Variants in PLCB4 observed in about 807,000 individuals in gnomAD.
The protein encoded by PLCB4 is 1-phosphatidylinositol 4,5-bisphosphate phosphodiesterase beta-4.
A neutral mutation model predicts 178.8 loss-of-function variants in PLCB4; 77 were observed. That is an observed-to-expected ratio of 0.43 (90% CI 0.36 to 0.52). PLCB4 has a LOEUF of 0.52. Among genes scored for constraint, PLCB4 ranks in the 20% least tolerant of loss-of-function variants. PLCB4 has a pLI of 0.00. For synonymous variants in PLCB4, 496 were observed against 490.8 expected, an observed-to-expected ratio of 1.01 and a Z score of -0.14; for missense variants, 1,024 against 1,453.4, an observed-to-expected ratio of 0.70 and a Z score of 4.80.
intron 4 of PLCB4, among the ~76,000 whole-genome samples, chr20:9,308,727 T>G (rs1173856925): frequency 6.6e-6 from 1 of 152,214 alleles, no homozygotes; most frequent in Non-Finnish European, 1.5e-5. Context: ...CTGACATAGC[T>G]TAATACTTGT....
chr20:9,151,380 C>A (rs1220671436), intron 2 of PLCB4, among the ~76,000 whole-genome samples: 1 of 152,046 alleles, frequency 6.6e-6, no homozygotes, highest in Non-Finnish European at 1.5e-5. Flanking sequence ...TGTCCCCATC[C>A]AAATCTCAAC....
intron 37 of PLCB4, 77 bp from the exon 38 acceptor site, chr20:9,473,202 A>G (rs952068121): frequency 2.4e-6 from 2 of 834,692 alleles, no homozygotes; most frequent in East Asian, 2.6e-5. Context: ...TTATAAAGTT[A>G]CAAGTCATCT....
intron 1 of PLCB4, among the ~76,000 whole-genome samples, chr20:9,092,999 T>C (rs534123503): frequency 6.6e-6 from 1 of 152,310 alleles, no homozygotes; most frequent in South Asian, 2.1e-4. Flanking sequence ...ATAGCCACCA[T>C]ACCTGGGAAT....
At chr20:9,129,700 A>G (rs1018691866) in intron 2 of PLCB4, among the ~76,000 whole-genome samples, 1 of 152,150 alleles carries the variant, frequency 6.6e-6, no homozygotes, top group African/African-American at 2.4e-5. Context: ...CATTCAAGTG[A>G]TGTTCCGAAT....
At chr20:9,096,924 A>C (rs1163064762) in intron 2 of PLCB4, among the ~76,000 whole-genome samples, 1 of 151,680 alleles carries the variant, frequency 6.6e-6, no homozygotes, top group African/African-American at 2.4e-5. Context: ...CTTAGGAGCC[A>C]CTTTGGCTTT....
At chr20:9,418,333 G>A (rs2040394488) in intron 25 of PLCB4, among the ~76,000 whole-genome samples, 1 of 152,068 alleles carries the variant, frequency 6.6e-6, no homozygotes, top group Non-Finnish European at 1.5e-5. Context: ...TTTGTATATG[G>A]TATAAGGTAA....
chr20:9,404,433 A>G (rs1179380307), intron 20 of PLCB4, among the ~76,000 whole-genome samples: 2 of 152,088 alleles, frequency 1.3e-5, no homozygotes, highest in Admixed American at 6.6e-5. Context: ...TTAAGACTCA[A>G]GAGTATTGTT....
chr20:9,312,066 C>T (rs1231639070), intron 4 of PLCB4, among the ~76,000 whole-genome samples: 1 of 152,078 alleles, frequency 6.6e-6, no homozygotes, highest in Non-Finnish European at 1.5e-5. Flanking sequence ...TTCCATTCTC[C>T]CTTCTTGACA....
At chr20:9,241,681 G>T (rs2094064319) in intron 3 of PLCB4, among the ~76,000 whole-genome samples, 1 of 152,188 alleles carries the variant, frequency 6.6e-6, no homozygotes, top group African/African-American at 2.4e-5. Context: ...TCCTTCCCTA[G>T]AGAGCAGGTC....
At chr20:9,317,694 A>G (rs1261513646) in intron 4 of PLCB4, among the ~76,000 whole-genome samples, 1 of 152,238 alleles carries the variant, frequency 6.6e-6, no homozygotes, top group Admixed American at 6.5e-5. Context: ...AAACAACACA[A>G]GACAGGAAGA....
At chr20:9,216,426 C>A (rs1312843810) in intron 2 of PLCB4, among the ~76,000 whole-genome samples, 6 of 152,086 alleles carry the variant, frequency 3.9e-5, no homozygotes, top group Non-Finnish European at 2.9e-5. Context: ...ACCATGTTAG[C>A]CAGGATGGTC....
chr20:9,164,858 G>A (rs961965420), intron 2 of PLCB4, among the ~76,000 whole-genome samples: 6 of 152,168 alleles, frequency 3.9e-5, no homozygotes, highest in Non-Finnish European at 7.4e-5. Flanking sequence ...TAGGACTTGA[G>A]ACTGATGGAA....
chr20:9,450,004 A>G (rs767695170), intron 32 of PLCB4, among the ~76,000 whole-genome samples: 1 of 152,206 alleles, frequency 6.6e-6, no homozygotes, highest in Non-Finnish European at 1.5e-5. Context: ...CCATAGTCAC[A>G]TCAGTCACAA....
At chr20:9,217,007 T>G (rs769934043) in intron 2 of PLCB4, among the ~76,000 whole-genome samples, 121 of 151,916 alleles carry the variant, frequency 8.0e-4, no homozygotes, top group Non-Finnish European at 1.6e-3. Context: ...ATAAAAAGAG[T>G]TTTTTCCAAT....
intron 35 of PLCB4, among the ~76,000 whole-genome samples, chr20:9,463,633 G>C (rs2043558744): frequency 7.1e-6 from 1 of 140,914 alleles, no homozygotes; most frequent in Non-Finnish European, 1.5e-5. Context: ...TGCAATCCTA[G>C]TCTCTAATAA....
intron 2 of PLCB4, among the ~76,000 whole-genome samples, chr20:9,156,326 G>A (rs1362109942): frequency 6.6e-6 from 1 of 152,120 alleles, no homozygotes; most frequent in Admixed American, 6.5e-5. Flanking sequence ...ACACTGACAT[G>A]GCACTAACTA....
chr20:9,119,530 AAAC>A (rs2091892172), intron 2 of PLCB4, among the ~76,000 whole-genome samples: 1 of 151,896 alleles, frequency 6.6e-6, no homozygotes, highest in African/African-American at 2.4e-5. Context: ...AAAAAAAAAA[AAAC>A]AAAGTAGTCA....
chr20:9,138,375 A>G (rs2092425002), intron 2 of PLCB4, among the ~76,000 whole-genome samples: 1 of 152,144 alleles, frequency 6.6e-6, no homozygotes, highest in South Asian at 2.1e-4. Flanking sequence ...ACAAAACAAA[A>G]ATAATATCTT....
At chr20:9,418,597 A>G (rs1366421190) in intron 25 of PLCB4, among the ~76,000 whole-genome samples, 1 of 152,160 alleles carries the variant, frequency 6.6e-6, no homozygotes, top group African/African-American at 2.4e-5. Context: ...TGAAATCAAG[A>G]AGTGTGAGAC....
Sources: allele counts gnomAD v4.1 joint callset (sites outside exome capture counted in the v4.1 genomes callset), GRCh38; gene constraint gnomAD v4.1.1; transcripts MANE v1.5; gene names NCBI Gene and HGNC (gene_info 2026-07-23, HGNC 2026-07-21).